Variants in ZFHX3 observed in about 807,000 individuals in gnomAD.
The protein encoded by ZFHX3 is zinc finger homeobox protein 3.
ZFHX3 carries 42 observed loss-of-function variants against 279.1 expected under a neutral mutation model. That is an observed-to-expected ratio of 0.15 (90% CI 0.12 to 0.19). The LOEUF is 0.19. ZFHX3 is among the 10% of genes least tolerant of loss of function. The pLI, the probability that ZFHX3 is intolerant of heterozygous loss-of-function variation, is 1.00. For synonymous variants in ZFHX3, 2,293 were observed against 1,957.8 expected (o/e 1.17, Z -4.52); for missense variants, 4,981 against 4,754.0 (o/e 1.05, Z -1.40).
intron 1 of ZFHX3, among the ~76,000 whole-genome samples, chr16:73,784,808 T>TACACACAC (rs1344909710): frequency 0.01 from 1,410 of 135,662 alleles, 22 homozygotes; most frequent in African/African-American, 0.038. Context: ...TATATATATA[T>TACACACAC]ATATATATAC....
chr16:72,997,725 T>A (rs763842940), intron 1 of ZFHX3, among the ~76,000 whole-genome samples: 36 of 152,204 alleles, frequency 2.4e-4, no homozygotes, highest in Non-Finnish European at 5.0e-4. Flanking sequence ...TTCATGTAAA[T>A]CCTTCATCTA....
chr16:73,066,187 G>T (rs1597145460), intron 8 of ZFHX3, among the ~76,000 whole-genome samples: 1 of 152,244 alleles, frequency 6.6e-6, no homozygotes. Context: ...GAGCTCAGCG[G>T]GCTGCAGGGA....
chr16:73,454,663 G>T (rs1392725495), intron 3 of ZFHX3, among the ~76,000 whole-genome samples: 1 of 150,508 alleles, frequency 6.6e-6, no homozygotes, highest in Non-Finnish European at 1.5e-5. Context: ...CACAATTACT[G>T]CTTCCTTTTC....
intron 3 of ZFHX3, among the ~76,000 whole-genome samples, chr16:73,345,767 A>C (rs973123348): frequency 8.5e-5 from 13 of 152,084 alleles, no homozygotes; most frequent in African/African-American, 2.7e-4. Flanking sequence ...CAGTAATGGG[A>C]TGGCTGAGAC....
At chr16:72,860,783 T>G (rs146493111) in intron 4 of ZFHX3, among the ~76,000 whole-genome samples, 1 of 152,276 alleles carries the variant, frequency 6.6e-6, no homozygotes, top group South Asian at 2.1e-4. Context: ...TGGACCGCCC[T>G]CACAGAACAC....
At chr16:73,521,574 C>T (rs1188724627) in intron 2 of ZFHX3, among the ~76,000 whole-genome samples, 1 of 152,046 alleles carries the variant, frequency 6.6e-6, no homozygotes, top group East Asian at 1.9e-4. Context: ...CCCCACATCA[C>T]TCTCCTTTTC....
At chr16:73,490,254 C>A (rs932696375) in intron 2 of ZFHX3, among the ~76,000 whole-genome samples, 10 of 152,188 alleles carry the variant, frequency 6.6e-5, no homozygotes, top group African/African-American at 2.4e-4. Flanking sequence ...GTTCAAGGAT[C>A]ATCACACTAA....
At chr16:73,155,845 T>C (rs2144850866) in intron 5 of ZFHX3, among the ~76,000 whole-genome samples, 1 of 122,506 alleles carries the variant, frequency 8.2e-6, no homozygotes, top group Non-Finnish European at 1.7e-5. Flanking sequence ...ACAAACAAAC[T>C]ACATGTATAT....
intron 1 of ZFHX3, among the ~76,000 whole-genome samples, chr16:73,787,855 AAGAGAG>A (rs148741157): frequency 3.6e-4 from 40 of 110,712 alleles, no homozygotes; most frequent in African/African-American, 9.7e-4. Flanking sequence ...GTGTGTGTGA[AAGAGAG>A]AGAGAGAGAG....
At chr16:73,391,661 C>G (rs1244252806) in intron 3 of ZFHX3, among the ~76,000 whole-genome samples, 2 of 151,974 alleles carry the variant, frequency 1.3e-5, no homozygotes, top group Non-Finnish European at 2.9e-5. Context: ...TCTAACATAT[C>G]AAAGAGAAGA....
At chr16:73,367,102 T>C (rs2143329267) in intron 3 of ZFHX3, among the ~76,000 whole-genome samples, 1 of 152,294 alleles carries the variant, frequency 6.6e-6, no homozygotes, top group East Asian at 1.9e-4. Context: ...TCCTTCCTGG[T>C]TCTCCCTCAT....
At chr16:73,005,864 T>C (rs2144609809) in intron 1 of ZFHX3, 1 of 152,370 alleles carries the variant, frequency 6.6e-6, no homozygotes, top group East Asian at 1.9e-4. Flanking sequence ...GTTACTCTGA[T>C]TCCTCTCACT....
In ZFHX3 at chr16:72,960,033, C is replaced by A; in HGVS notation, c.113G>T (p.Ser38Ile). ...GCTCTCGCCTGTGGACTGCTCCATGCTACTGGGTTTGTCAGGGAGGTGGGT... is the reference window on the plus strand; with the variant it reads ...GCTCTCGCCTGTGGACTGCTCCATGATACTGGGTTTGTCAGGGAGGTGGGT... The part of the protein sequence containing the change: ...NSTHLPDKPS[S>I]MEQSTGESHG... Residue 38 changes from serine (S) to isoleucine (I), a missense_variant, in exon 2 of 10, where the codon AGC becomes ATC. This residue lies in a region of ZFHX3 where 1,068 missense variants were observed against 935.2 expected (regional missense o/e 1.14). Coordinates refer to ENST00000268489, the MANE Select transcript of ZFHX3 (RefSeq NM_006885.4). The A allele has an allele frequency of 1.2e-6, 2 of 1,614,028 alleles. No homozygotes were observed. Among genetic ancestry groups the A allele is most frequent in the Non-Finnish European group, 1.7e-6 (2 of 1,179,932 alleles).
intron 8 of ZFHX3, among the ~76,000 whole-genome samples, chr16:73,091,429 C>G (rs1567660832): frequency 6.6e-6 from 1 of 152,106 alleles, no homozygotes; most frequent in Non-Finnish European, 1.5e-5. Context: ...ATCCCTCTTT[C>G]TTGGATCAGC....
chr16:72,972,029 G>A (rs1390676807), intron 1 of ZFHX3, among the ~76,000 whole-genome samples: 2 of 151,842 alleles, frequency 1.3e-5, no homozygotes. Context: ...GGGATTACAG[G>A]TGCAGGTGTG....
At chr16:73,475,882 A>G (rs193276966) in intron 2 of ZFHX3, among the ~76,000 whole-genome samples, 1 of 152,266 alleles carries the variant, frequency 6.6e-6, no homozygotes, top group East Asian at 1.9e-4. Context: ...TCTTTAGATA[A>G]GTTGTCTCAA....
chr16:73,621,260 A>C (rs1346131307), intron 2 of ZFHX3, among the ~76,000 whole-genome samples: 1 of 152,132 alleles, frequency 6.6e-6, no homozygotes, highest in Non-Finnish European at 1.5e-5. Flanking sequence ...TCCCCCATTT[A>C]AAATTTGCCA....
chr16:73,784,293 A>G (rs766036592), intron 1 of ZFHX3, among the ~76,000 whole-genome samples: 1 of 152,160 alleles, frequency 6.6e-6, no homozygotes, highest in East Asian at 1.9e-4. Flanking sequence ...GATAAAATAC[A>G]TATCAAGTGC....
chr16:73,561,695 TTC>T (rs1428443798), intron 2 of ZFHX3, among the ~76,000 whole-genome samples: 1 of 152,232 alleles, frequency 6.6e-6, no homozygotes, highest in African/African-American at 2.4e-5. Flanking sequence ...AGTGATTTCT[TTC>T]TCTTTTCCCT....
Sources: allele counts gnomAD v4.1 joint callset (sites outside exome capture counted in the v4.1 genomes callset), GRCh38; gene constraint gnomAD v4.1.1; regional missense constraint gnomAD v4.1.1; transcripts MANE v1.5; gene names NCBI Gene and HGNC (gene_info 2026-07-23, HGNC 2026-07-21).